Variants in ITSN2 observed in about 807,000 individuals in gnomAD.
ITSN2 encodes the protein intersectin 2, also known as intersectin-2.
In ITSN2, 156 loss-of-function variants were observed where a neutral mutation model predicts 243.7. The observed-to-expected ratio is 0.64, with a 90% CI of 0.56 to 0.73. ITSN2 has a LOEUF of 0.73. Ranked by LOEUF, ITSN2 falls within the 30% of genes least tolerant of loss-of-function variation. ITSN2 has a pLI of 0.00. For synonymous variants in ITSN2, 703 were observed against 699.9 expected, an observed-to-expected ratio of 1.00 and a Z score of -0.07; for missense variants, 1,801 against 1,996.1, an observed-to-expected ratio of 0.90 and a Z score of 1.86.
At position 24,204,670 on chromosome 2, in the gene ITSN2, T is replaced by TG. The variant is rs1668664828; in HGVS notation, c.4763-253dup. 4.9e-6 allele frequency: 3 copies of TG among 607,970 alleles called. No individual in the cohort carries two copies. Among genetic ancestry groups the TG allele is most frequent in the South Asian group, 4.6e-5 (3 of 65,916 alleles). The allele number at this position is 607,970 out of a possible 1,614,324, so 37.7% of individuals were successfully genotyped here. A position where few individuals can be genotyped will look rare whatever the true frequency, so the allele number is the denominator to read the frequency against. On this transcript the variant is annotated intron_variant, in intron 38 of 39. Transcript: ENST00000355123. The surrounding 1 kb of genome is among the most constrained non-coding windows in gnomAD (Gnocchi z 5.1). ...AGGACCACTCCGCACGGAACAATCC[T>TG]GGGTGAGTGTCACTGCAACCTGCTG... is the stretch of plus-strand genomic sequence containing the variant.
Position 24,203,452 on chromosome 2 carries a change from G to C in ITSN2, c.*174C>G. On this transcript the variant is annotated 3_prime_UTR_variant, in exon 40 of 40. Coordinates refer to ENST00000355123, the MANE Select transcript of ITSN2 (RefSeq NM_006277.3). ...TGGGGTTTGGTTTCTTTATGGGAAA[G>C]GTGTTTGCATAGATTGCTAGCTATT... 1.6e-6 allele frequency: 1 copy of C among 606,216 alleles called. No individual in the cohort carries two copies. Among genetic ancestry groups the C allele is most frequent in the Non-Finnish European group, 2.8e-6 (1 of 354,088 alleles). 37.6% of individuals were successfully genotyped at this position (606,216 alleles called of 1,614,324 possible).
At chr2:24,319,537 C>A (rs1684307282) in intron 2 of ITSN2, among the ~76,000 whole-genome samples, 1 of 152,142 alleles carries the variant, frequency 6.6e-6, no homozygotes, top group Non-Finnish European at 1.5e-5. Context: ...CAGAGGTCTT[C>A]CCCCACCCCC....
At chr2:24,348,696 A>T (rs771394383) in intron 1 of ITSN2, among the ~76,000 whole-genome samples, 2 of 152,208 alleles carry the variant, frequency 1.3e-5, no homozygotes, top group South Asian at 4.1e-4. Context: ...GCCATACCCC[A>T]TAAGGGCCTG....
intron 29 of ITSN2, among the ~76,000 whole-genome samples, chr2:24,230,797 A>G (rs559926796): frequency 6.6e-6 from 1 of 152,090 alleles, no homozygotes; most frequent in Non-Finnish European, 1.5e-5. Flanking sequence ...TAAAAATAAT[A>G]AAAACCCTCC....
chr2:24,246,013 A>T, intron 29 of ITSN2, 116 bp downstream of exon 29: 1 of 626,006 alleles, frequency 1.6e-6, no homozygotes, highest in Non-Finnish European at 2.6e-6. Context: ...TTTAAACACT[A>T]ATCTACATTT....
intron 20 of ITSN2, among the ~76,000 whole-genome samples, chr2:24,269,184 C>G (rs1404833274): frequency 6.6e-6 from 1 of 152,014 alleles, no homozygotes; most frequent in Non-Finnish European, 1.5e-5. Context: ...TACTACTCCC[C>G]TGGATGAGCT....
At chr2:24,342,833 G>T (rs772511093) in intron 1 of ITSN2, among the ~76,000 whole-genome samples, 50 of 152,090 alleles carry the variant, frequency 3.3e-4, no homozygotes, top group Non-Finnish European at 5.9e-4. Flanking sequence ...GCTCATGCCT[G>T]TAATCCTAGC....
intron 1 of ITSN2, among the ~76,000 whole-genome samples, chr2:24,357,963 G>C (rs2151961449): frequency 6.6e-6 from 1 of 152,120 alleles, no homozygotes; most frequent in South Asian, 2.1e-4. Flanking sequence ...CGCCTAGGCT[G>C]GAGTGCAGTG....
intron 1 of ITSN2, among the ~76,000 whole-genome samples, chr2:24,356,345 CAAAAAA>C (rs70944743): frequency 9.1e-6 from 1 of 109,394 alleles, no homozygotes. Context: ...GACCCTGTCT[CAAAAAA>C]AAAAAAAAAA....
chr2:24,257,707 T>C (rs1025473047), intron 23 of ITSN2, among the ~76,000 whole-genome samples, 181 bp downstream of exon 23: 10 of 152,132 alleles, frequency 6.6e-5, no homozygotes, highest in Admixed American at 2.6e-4. Context: ...TCTGCCTGCC[T>C]TGGCTTCCCA....
intron 20 of ITSN2, among the ~76,000 whole-genome samples, chr2:24,262,630 C>A (rs1173888477): frequency 6.6e-6 from 1 of 152,124 alleles, no homozygotes; most frequent in East Asian, 1.9e-4. Flanking sequence ...CATTCTATAC[C>A]CTTCCTGAAT....
intron 30 of ITSN2, among the ~76,000 whole-genome samples, chr2:24,219,402 C>A (rs890412313): frequency 2.0e-5 from 3 of 152,222 alleles, no homozygotes; most frequent in African/African-American, 7.2e-5. Context: ...AGACTGAAGA[C>A]ACTAGGCCAC....
chr2:24,317,385 C>CAAAAAAAA (rs780304772), intron 2 of ITSN2, among the ~76,000 whole-genome samples: 1 of 113,472 alleles, frequency 8.8e-6, no homozygotes, highest in African/African-American at 3.2e-5. Flanking sequence ...GACGCAATCT[C>CAAAAAAAA]AAAAAAAAAA....
chr2:24,238,934 A>G (rs1008363987), intron 29 of ITSN2: 32 of 152,200 alleles, frequency 2.1e-4, no homozygotes, highest in African/African-American at 7.2e-4. Flanking sequence ...TACAACTAAT[A>G]TAGTTTGTGT....
intron 5 of ITSN2, 63 bp downstream of exon 5, chr2:24,312,149 C>A: frequency 7.5e-7 from 1 of 1,333,636 alleles, no homozygotes; most frequent in Non-Finnish European, 1.0e-6. Context: ...TTCTAATACT[C>A]AAATATGCCT....
chr2:24,317,378 G>A (rs1356716893), intron 2 of ITSN2, among the ~76,000 whole-genome samples: 1 of 145,622 alleles, frequency 6.9e-6, no homozygotes, highest in Non-Finnish European at 1.5e-5. Context: ...AGGGCAAGAC[G>A]CAATCTCAAA....
In ITSN2 at chr2:24,251,315, A is replaced by AAAAAT. The variant is rs1347685755; in HGVS notation, c.3120+1029_3120+1030insATTTT. Among the ~76,000 whole-genome samples the AAAAAT allele has an allele frequency of 4.7e-3, 39 of 8,364 alleles. 15 individuals are homozygous for AAAAAT. Among genetic ancestry groups the AAAAAT allele is most frequent in the East Asian group, 7.4e-3 (2 of 272 alleles). 5.5% of individuals were successfully genotyped at this position (8,364 alleles called of 152,430 possible). A position where few individuals can be genotyped will look rare whatever the true frequency, so the allele number is the denominator to read the frequency against. Reference sequence around the variant, plus strand: ...ACAGAACTAAACTCCATCTCAAAAAAAAAAAAAAATAAAATATATATATAT... The same window carrying AAAAAT: ...ACAGAACTAAACTCCATCTCAAAAAAAAAATAAAAAAAAATAAAATATATATATAT... On this transcript the variant is annotated intron_variant, in intron 25 of 39. Transcript: ENST00000355123.
intron 29 of ITSN2, among the ~76,000 whole-genome samples, chr2:24,232,451 G>C (rs1671722084): frequency 6.6e-6 from 1 of 152,162 alleles, no homozygotes; most frequent in Non-Finnish European, 1.5e-5. Context: ...TGGCCCCAGA[G>C]AGCAGTTAGT....
At chr2:24,326,507 A>C in intron 2 of ITSN2, among the ~76,000 whole-genome samples, 1 of 152,186 alleles carries the variant, frequency 6.6e-6, no homozygotes, top group East Asian at 1.9e-4. Flanking sequence ...AAATCCTCAA[A>C]CTTGAGTAGA....
Sources: allele counts gnomAD v4.1 joint callset (sites outside exome capture counted in the v4.1 genomes callset), GRCh38; gene constraint gnomAD v4.1.1; non-coding constraint Gnocchi (gnomAD v3.1); transcripts MANE v1.5; gene names NCBI Gene and HGNC (gene_info 2026-07-23, HGNC 2026-07-21).